The following GARNL3 variants were observed in gnomAD, a reference collection of about 807,000 sequenced individuals.
GARNL3 encodes the protein GTPase activating Rap/RanGAP domain like 3.
Under a neutral mutation model 125.0 loss-of-function variants are expected in GARNL3, and 63 were observed. The observed-to-expected ratio is 0.50, with a 90% confidence interval of 0.41 to 0.62. The LOEUF (loss-of-function observed/expected upper bound fraction) is 0.62, where lower values mean the gene tolerates loss of function less well. GARNL3 is among the 20% of genes least tolerant of loss of function. The pLI, the probability that GARNL3 is intolerant of heterozygous loss-of-function variation, is 0.00. For synonymous variants in GARNL3, 439 were observed against 457.5 expected (o/e 0.96, Z 0.52); for missense variants, 994 against 1,244.0 (o/e 0.80, Z 3.02).
chr9:127,329,885 G>A (rs1166476371), intron 7 of GARNL3, among the ~76,000 whole-genome samples: 1 of 152,106 alleles, frequency 6.6e-6, no homozygotes, highest in African/African-American at 2.4e-5. Context: ...GTTTTAGCAG[G>A]CTGTCAGTTT....
chr9:127,332,302 T>C lies in GARNL3; in HGVS notation c.623T>C (p.Leu208Pro), dbSNP rs775846066. The C allele has an allele frequency of 5.0e-6, 8 of 1,613,702 alleles. No individual in the cohort carries two copies. Among genetic ancestry groups the C allele is most frequent in the Non-Finnish European group, 6.8e-6 (8 of 1,179,736 alleles). ...TCTGTGAATTTCAAGTTTGGGGTTCTTTTTGCCAAAGATGGGCAGCTCACT... is the reference window on the plus strand; with the variant it reads ...TCTGTGAATTTCAAGTTTGGGGTTCCTTTTGCCAAAGATGGGCAGCTCACT... ...EGSVNFKFGV[L>P]FAKDGQLTDD... Residue 208 changes from leucine to proline, a missense_variant, in exon 8 of 28, where the codon CTT becomes CCT. Around this residue, in one of 5 missense-constraint regions of GARNL3, gnomAD observed 139 missense variants for 231.6 expected, o/e 0.60. Coordinates refer to ENST00000373387, the MANE Select transcript of GARNL3 (RefSeq NM_032293.5).
At chr9:127,372,608 A>T (rs1314468350) in intron 22 of GARNL3, among the ~76,000 whole-genome samples, 18 of 152,126 alleles carry the variant, frequency 1.2e-4, no homozygotes, top group Non-Finnish European at 1.5e-5. Context: ...TATATGTTTT[A>T]TCTGAATGTT....
intron 1 of GARNL3, among the ~76,000 whole-genome samples, chr9:127,286,104 A>G (rs1380592361): frequency 6.6e-6 from 1 of 152,218 alleles, no homozygotes; most frequent in Non-Finnish European, 1.5e-5. Context: ...ACTAAGTACT[A>G]AACTCCTGGA....
intron 7 of GARNL3, among the ~76,000 whole-genome samples, chr9:127,329,295 C>T (rs576360544): frequency 6.6e-6 from 1 of 152,202 alleles, no homozygotes; most frequent in Non-Finnish European, 1.5e-5. Flanking sequence ...TAAACTGGGA[C>T]CCTTTGAGAG....
intron 6 of GARNL3, among the ~76,000 whole-genome samples, chr9:127,323,887 A>C (rs1205052914): frequency 6.6e-6 from 1 of 152,252 alleles, no homozygotes. Flanking sequence ...AATGACATAC[A>C]CAGTGACATG....
At chr9:127,347,279 G>A (rs367893136) in intron 16 of GARNL3, among the ~76,000 whole-genome samples, 6 of 152,022 alleles carry the variant, frequency 3.9e-5, no homozygotes, top group African/African-American at 7.2e-5. Context: ...AAAATTAGCC[G>A]GGCATGGTGG....
At chr9:127,245,209 C>T (rs1008082907) in intron 2 of GARNL3, 1 of 152,304 alleles carries the variant, frequency 6.6e-6, no homozygotes, top group African/African-American at 2.4e-5. Flanking sequence ...CGCAGTGCAC[C>T]GCGCGGGTGA....
rs117829070 is a variant in GARNL3 at position 127,339,533 on chromosome 9, C to T, written c.1029-112C>T. 6.5e-3 allele frequency: 4,886 copies of T among 748,648 alleles called. 131 individuals carry two copies. The East Asian group carries it at 0.076, about 12-fold the overall frequency. The allele number at this position is 748,648 out of a possible 1,614,324, so 46.4% of individuals were successfully genotyped here. A position where few individuals can be genotyped will look rare whatever the true frequency, so the allele number is the denominator to read the frequency against. On this transcript the variant is annotated intron_variant, in intron 12 of 27. Coordinates refer to ENST00000373387, the MANE Select transcript of GARNL3 (RefSeq NM_032293.5). ...GATTCAGTTACCTCTCCCTGGGTCC[C>T]ACCCATGGCATGTGGGAATTCTGGG...
At chr9:127,345,730 C>T (rs1327493213) in intron 16 of GARNL3, among the ~76,000 whole-genome samples, 1 of 152,250 alleles carries the variant, frequency 6.6e-6, no homozygotes, top group Non-Finnish European at 1.5e-5. Context: ...GCAGGCCAGG[C>T]CCCACAGGGC....
At chr9:127,342,946 G>A (rs1442910468) in intron 14 of GARNL3, among the ~76,000 whole-genome samples, 3 of 147,392 alleles carry the variant, frequency 2.0e-5, no homozygotes, top group Non-Finnish European at 4.5e-5. Context: ...TGCCCAGGCT[G>A]GAGTGCCATG....
chr9:127,264,071 TA>T, upstream of GARNL3: 2 of 932,606 alleles, frequency 2.1e-6, no homozygotes, highest in Admixed American at 5.0e-5. Context: ...TATTCCTATA[TA>T]ATTTTATTTT....
chr9:127,388,779 A>T, intron 25 of GARNL3, 125 bp from the exon 26 acceptor site: 1 of 676,226 alleles, frequency 1.5e-6, no homozygotes, highest in Admixed American at 2.3e-5. Flanking sequence ...CCAGTGGGAC[A>T]TTACAGATCA....
At chr9:127,245,159 G>A (rs543303704) in intron 2 of GARNL3, among the ~76,000 whole-genome samples, 1 of 152,224 alleles carries the variant, frequency 6.6e-6, no homozygotes, top group Non-Finnish European at 1.5e-5. Flanking sequence ...TAAAGTACCC[G>A]CAGTGGAGCT....
chr9:127,261,916 G>A (rs943434525), upstream of GARNL3, among the ~76,000 whole-genome samples: 4 of 152,264 alleles, frequency 2.6e-5, no homozygotes, highest in African/African-American at 9.6e-5. Context: ...TCTTCATTGT[G>A]AAGAACCTCG....
chr9:127,318,637 CTGCTCAGCCACCTCTCG>C (rs2065305702), intron 5 of GARNL3, among the ~76,000 whole-genome samples: 1 of 152,170 alleles, frequency 6.6e-6, no homozygotes, highest in South Asian at 2.1e-4. Context: ...TGGCTGCTTC[CTGCTCAGCCACCTCTCG>C]TGCCCCCACC....
intron 7 of GARNL3, among the ~76,000 whole-genome samples, 181 bp from the exon 8 acceptor site, chr9:127,332,093 A>G (rs1452071436): frequency 6.6e-6 from 1 of 152,174 alleles, no homozygotes; most frequent in Non-Finnish European, 1.5e-5. Flanking sequence ...ATAAATACCT[A>G]TCAAAATGAA....
chr9:127,277,478 A>ACT (rs2063985936), intron 1 of GARNL3, among the ~76,000 whole-genome samples: 1 of 151,240 alleles, frequency 6.6e-6, no homozygotes, highest in Non-Finnish European at 1.5e-5. Context: ...TGTAAAGAGT[A>ACT]CTTTCCCTAA....
At chr9:127,226,158 G>A (rs1206978475) in intron 1 of GARNL3, among the ~76,000 whole-genome samples, 1 of 152,184 alleles carries the variant, frequency 6.6e-6, no homozygotes, top group Non-Finnish European at 1.5e-5. Flanking sequence ...TGCCCTTCGC[G>A]GCCAACACCC....
chr9:127,355,557 C>A, intron 20 of GARNL3, 85 bp downstream of exon 20: 2 of 1,306,914 alleles, frequency 1.5e-6, no homozygotes, highest in Non-Finnish European at 2.2e-6. Context: ...TTGTTACCCA[C>A]TGAGGTTGTC....
Sources: allele counts gnomAD v4.1 joint callset (sites outside exome capture counted in the v4.1 genomes callset), GRCh38; gene constraint gnomAD v4.1.1; regional missense constraint gnomAD v4.1.1; transcripts MANE v1.5; gene names NCBI Gene and HGNC (gene_info 2026-07-23, HGNC 2026-07-21).